The following FH variants were observed in gnomAD, a reference collection of about 807,000 sequenced individuals.
The protein encoded by FH is fumarate hydratase, mitochondrial.
A neutral mutation model predicts 49.4 loss-of-function variants in FH; 22 were observed. The ratio of observed to expected loss-of-function variants is 0.45; its 90% confidence interval spans 0.32 to 0.64. The LOEUF is 0.64. FH is among the 30% of genes least tolerant of loss of function. FH has a pLI of 0.05. For missense variants in FH, 526 were observed against 641.5 expected (o/e 0.82, Z 1.95); for synonymous variants, 208 against 223.0 (o/e 0.93, Z 0.60).
rs200222595 is a variant in FH, at chr1:241,511,990, T to C, written c.532A>G (p.Asn178Asp). ...ELGSKIPVHP[N>D]DHVNKSQSSN... ...ACCTGGCTTTTATTAACATGATCGT[T>C]GGGATGCACAGGTATCTTGCTGCCA... Residue 178 changes from asparagine (N) to aspartate (D), a missense_variant, in exon 4 of 10, where the codon AAC (asparagine) becomes GAC (aspartate). By Grantham distance (23) the Asn-to-Asp change is conservative. Around this residue, in one of 2 missense-constraint regions of FH, gnomAD observed 383 missense variants for 514.0 expected, o/e 0.75. Transcript: ENST00000366560. The C allele has an allele frequency of 6.2e-7, 1 of 1,614,000 alleles. No homozygotes were observed. The highest frequency in any genetic ancestry group is 2.2e-5 in the East Asian group (1 of 44,858).
At chr1:241,511,542 G>A (rs1187364044) in intron 4 of FH, among the ~76,000 whole-genome samples, 1 of 151,914 alleles carries the variant, frequency 6.6e-6, no homozygotes, top group East Asian at 1.9e-4. Flanking sequence ...ACTGAGGAAA[G>A]CCTCAGTTTT....
chr1:241,500,635 G>GAGAGAGAA (rs772102092), intron 8 of FH, 45 bp from the exon 9 acceptor site: 3 of 1,603,238 alleles, frequency 1.9e-6, no homozygotes, highest in African/African-American at 2.7e-5. Flanking sequence ...GAGAGAGAGA[G>GAGAGAGAA]AGAGACATTA....
chr1:241,504,352 T>C, intron 6 of FH, 107 bp from the exon 7 acceptor site: 2 of 1,088,824 alleles, frequency 1.8e-6, no homozygotes, highest in South Asian at 2.9e-5. Context: ...AATAAAAATT[T>C]TACTTCAGAA....
chr1:241,504,814 C>T (rs1030196527), intron 6 of FH, among the ~76,000 whole-genome samples: 18 of 152,002 alleles, frequency 1.2e-4, no homozygotes, highest in African/African-American at 4.3e-4. Flanking sequence ...CACAATCCTA[C>T]TGCAAACACA....
In FH at chr1:241,513,668, C is replaced by T. The variant is rs1252176030; in HGVS notation, c.313G>A (p.Glu105Lys). 1 of 1,613,984 alleles carries T rather than the reference C, an allele frequency of 6.2e-7. No homozygotes were observed. Among genetic ancestry groups the T allele is most frequent in the Non-Finnish European group, 8.5e-7 (1 of 1,179,988 alleles). ...TCAAGACCATAATCCTGGTTTACTT[C>T]AGCGGCCGCTCGCTTCAAGATGCCA... ...AFGILKRAAA[E>K]VNQDYGLDPK... Residue 105 changes from glutamate to lysine, a missense_variant, in exon 3 of 10, where the codon GAA becomes AAA. Physicochemically the swap from Glu to Lys is moderately conservative, Grantham distance 56. Transcript: ENST00000366560.
chr1:241,500,389 T>C, intron 9 of FH, 48 bp downstream of exon 9: 1 of 1,591,164 alleles, frequency 6.3e-7, no homozygotes, highest in Non-Finnish European at 8.6e-7. Context: ...ATGGTTTAGC[T>C]TTTTAATTTT....
rs1660326782 is a variant in FH, at chr1:241,519,745, A to C, written c.-23T>G. On this transcript the variant is annotated 5_prime_UTR_variant, in exon 1 of 10. In the 5' UTR this introduces an upstream ATG that the reference lacks. Transcript: ENST00000366560. Reference sequence around the variant, plus strand: ...CATGGTGCTGAGGGAGCTTGGGTAGAATTTCTGGGCGGCTGTGGCCACGCC... The same window carrying C: ...CATGGTGCTGAGGGAGCTTGGGTAGCATTTCTGGGCGGCTGTGGCCACGCC... 3 of 1,519,668 alleles carry C rather than the reference A, an allele frequency of 2.0e-6. No homozygotes were observed. Among genetic ancestry groups the C allele is most frequent in the East Asian group, 5.1e-5 (2 of 38,942 alleles). 94.1% of individuals were successfully genotyped at this position (1,519,668 alleles called of 1,614,324 possible). A position where few individuals can be genotyped will look rare whatever the true frequency, so the allele number is the denominator to read the frequency against.
At chr1:241,504,328 C>G in intron 6 of FH, 83 bp from the exon 7 acceptor site, 2 of 1,292,940 alleles carry the variant, frequency 1.5e-6, no homozygotes, top group South Asian at 1.3e-5. Context: ...ACAGAAAGTT[C>G]CAATATACGA....
Position 241,517,079 on chromosome 1 carries a change from TA to T in FH, c.267+102del, listed in dbSNP as rs1010761907. 64 of 1,434,726 alleles carry T rather than the reference TA, an allele frequency of 4.5e-5. 1 individual carries two copies. The Admixed American group carries it at 6.5e-4, about 15-fold the overall frequency. The allele number at this position is 1,434,726 out of a possible 1,614,324, so 88.9% of individuals were successfully genotyped here. ...TTACTCACGAAGCCATCTTTTCTAA[TA>T]ACTTTACATTTTAACTCTGAAAAAT... On this transcript the variant is annotated intron_variant, in intron 2 of 9. Coordinates refer to ENST00000366560, the MANE Select transcript of FH (RefSeq NM_000143.4).
Position 241,508,879 on chromosome 1 carries a change from A to G in FH, c.556-94T>C, listed in dbSNP as rs1660003075. 3 of 1,085,536 alleles carry G rather than the reference A, an allele frequency of 2.8e-6. No homozygotes were observed. The East Asian group carries it at 7.7e-5, about 28-fold the overall frequency. 67.2% of individuals were successfully genotyped at this position (1,085,536 alleles called of 1,614,324 possible). On this transcript the variant is annotated intron_variant, in intron 4 of 9. Coordinates refer to ENST00000366560, the MANE Select transcript of FH (RefSeq NM_000143.4). ...AAACTTCTCAATTAAAAAACTCTCC[A>G]ACTAACTACTCAAAACCCAGCTCAG...
In FH at chr1:241,519,717, G is replaced by C. The variant is rs199971078; in HGVS notation, c.6C>G (p.Tyr2Ter). 3.2e-6 allele frequency: 5 copies of C among 1,544,574 alleles called. No homozygotes were observed. Among genetic ancestry groups the C allele is most frequent in the Non-Finnish European group, 4.4e-6 (5 of 1,143,932 alleles). The change falls in exon 1 of 10, where the codon TAC (tyrosine) becomes TAG (stop). Residue 2 changes from tyrosine to a stop codon, truncating the protein, a stop_gained. Transcript: ENST00000366560. LOFTEE classifies it high-confidence loss of function. ...AGCGCGCGAGGAGCCGAAGTGCTCG[G>C]TACATGGTGCTGAGGGAGCTTGGGT... M[Y>*]RALRLLARSR... is the part of the protein sequence containing the mutation.
intron 2 of FH, among the ~76,000 whole-genome samples, chr1:241,516,130 A>G (rs1185519798): frequency 6.6e-6 from 1 of 152,198 alleles, no homozygotes; most frequent in Non-Finnish European, 1.5e-5. Flanking sequence ...TATTGAAATA[A>G]AAATATTTAC....
intron 7 of FH, among the ~76,000 whole-genome samples, chr1:241,503,761 G>A (rs1659840139): frequency 6.6e-6 from 1 of 152,236 alleles, no homozygotes; most frequent in Non-Finnish European, 1.5e-5. Flanking sequence ...AGTTTGGTAT[G>A]ACTTCTTTTT....
intron 3 of FH, among the ~76,000 whole-genome samples, chr1:241,512,661 A>T (rs569305928): frequency 5.3e-5 from 8 of 152,200 alleles, no homozygotes; most frequent in Non-Finnish European, 1.2e-4. Flanking sequence ...TGTGCTTTGT[A>T]AAATATGGGT....
intron 4 of FH, among the ~76,000 whole-genome samples, chr1:241,511,342 G>C (rs1012803654): frequency 6.6e-6 from 1 of 152,204 alleles, no homozygotes; most frequent in Non-Finnish European, 1.5e-5. Flanking sequence ...TGCCAGAACT[G>C]TGACAAATTA....
At chr1:241,506,657 C>T (rs1405078478) in intron 5 of FH, among the ~76,000 whole-genome samples, 1 of 152,122 alleles carries the variant, frequency 6.6e-6, no homozygotes, top group East Asian at 1.9e-4. Flanking sequence ...AATATGAAGA[C>T]ATTCTACAGA....
At position 241,506,073 on chromosome 1, in the gene FH, A is replaced by T. The variant is rs1191588991; in HGVS notation, c.834T>A (p.Ala278=). The change falls in exon 6 of 10, where the codon GCT becomes GCA. Residue 278 remains alanine, a synonymous_variant. Transcript: ENST00000366560. ...RIYELAAGGT[A]VGTGLNTRIG... is the part of the protein sequence containing the mutation. ...TTCTAGTATTTAAACCTGTACCAAC[A>T]GCAGTGCCTCCAGCTGCGAGCTCAT... 1.2e-6 allele frequency: 2 copies of T among 1,614,066 alleles called. No homozygotes were observed. Among genetic ancestry groups the T allele is most frequent in the Admixed American group, 1.7e-5 (1 of 60,010 alleles).
intron 9 of FH, among the ~76,000 whole-genome samples, chr1:241,499,574 T>C (rs1298017923): frequency 6.6e-6 from 1 of 152,228 alleles, no homozygotes; most frequent in African/African-American, 2.4e-5. Flanking sequence ...ACTGTAATTA[T>C]AGCTTGATGT....
In FH at chr1:241,508,766, G is replaced by A. The variant is rs1573883342; in HGVS notation, c.575C>T (p.Pro192Leu). ...TGCAGCAGCAATGTGCATTGCTGTG[G>A]GAAAAGTATCATTTGAGCTCTGTTG... ...NKSQSSNDTF[P>L]TAMHIAAAIE... is the part of the protein sequence containing the mutation. Residue 192 changes from proline to leucine, a missense_variant, in exon 5 of 10, where the codon CCC (proline) becomes CTC (leucine). Pro to Leu is a moderately conservative substitution (Grantham distance 98, BLOSUM62 -3). Coordinates refer to ENST00000366560, the MANE Select transcript of FH (RefSeq NM_000143.4). 1 of 1,613,514 alleles carries A rather than the reference G, an allele frequency of 6.2e-7. No homozygotes were observed. The highest frequency in any genetic ancestry group is 8.5e-7 in the Non-Finnish European group (1 of 1,179,672).
Sources: gnomAD v4.1 joint callset for allele counts (sites outside exome capture counted in the v4.1 genomes callset) on GRCh38, gnomAD v4.1.1 for gene constraint, gnomAD v4.1.1 regional missense constraint, MANE v1.5 for transcripts, NCBI Gene and HGNC (gene_info 2026-07-23, HGNC 2026-07-21) for gene names.